Variants in PIK3R5 observed in about 807,000 individuals in gnomAD.
PIK3R5 encodes phosphoinositide-3-kinase regulatory subunit 5.
In PIK3R5, 32 loss-of-function variants were observed where a neutral mutation model predicts 94.9. The observed-to-expected ratio is 0.34, with a 90% CI of 0.25 to 0.45. The LOEUF is 0.45. PIK3R5 is among the 20% of genes least tolerant of loss of function. The pLI is 1.00. For missense variants in PIK3R5, 853 were observed against 1,144.6 expected (o/e 0.75, Z 3.68); for synonymous variants, 443 against 479.4 (o/e 0.92, Z 0.99).
At chr17:8,956,207 G>A (rs2151478846) in intron 1 of PIK3R5, among the ~76,000 whole-genome samples, 1 of 151,338 alleles carries the variant, frequency 6.6e-6, no homozygotes, top group African/African-American at 2.4e-5. Flanking sequence ...AGACTTTATG[G>A]AGACTTCAAA....
At position 8,945,185 on chromosome 17, in the gene PIK3R5, G is replaced by A. The variant is rs1430980919; in HGVS notation, c.-14+20411C>T. Reference sequence around the variant, plus strand: ...GAGGGGATCTACATCCTCCCCAGCTGCAGGAACACTCACTCCCTGGCAGGC... The same window carrying A: ...GAGGGGATCTACATCCTCCCCAGCTACAGGAACACTCACTCCCTGGCAGGC... On this transcript the variant is annotated intron_variant, in intron 1 of 18. Transcript: ENST00000447110. The surrounding 1 kb of genome is among the most constrained non-coding windows in gnomAD (Gnocchi z 4.0). Among the ~76,000 whole-genome samples the A allele has an allele frequency of 6.6e-6, 1 of 152,124 alleles. No individual in the cohort carries two copies. The highest frequency in any genetic ancestry group is 1.5e-5 in the Non-Finnish European group (1 of 68,006).
intron 1 of PIK3R5, among the ~76,000 whole-genome samples, chr17:8,944,210 T>C (rs754210913): frequency 5.3e-5 from 8 of 152,216 alleles, no homozygotes; most frequent in Non-Finnish European, 1.0e-4. Flanking sequence ...TGTTATCTAT[T>C]ATGCTGAGAA....
rs1266973535 is a variant in PIK3R5, at chr17:8,937,141, G to A, written c.-13-25634C>T. Among the ~76,000 whole-genome samples the A allele has an allele frequency of 3.3e-5, 5 of 152,178 alleles. No individual in the cohort carries two copies. In the East Asian group the frequency reaches 9.6e-4, roughly 29 times the overall value. ...ACTATAATTGCTTAGTTCCAGGAAT[G>A]TTGTTTTTTGTCATTGTTGATTCTT... On this transcript the variant is annotated intron_variant, in intron 1 of 18. Coordinates refer to ENST00000447110, the MANE Select transcript of PIK3R5 (RefSeq NM_001142633.3).
chr17:8,900,914 C>T (rs1457966644), intron 5 of PIK3R5, among the ~76,000 whole-genome samples: 3 of 152,158 alleles, frequency 2.0e-5, no homozygotes, highest in Non-Finnish European at 2.9e-5. Flanking sequence ...ATCCCCTCCC[C>T]CAACCCCACA....
At chr17:8,906,711 C>T in intron 3 of PIK3R5, among the ~76,000 whole-genome samples, 1 of 151,978 alleles carries the variant, frequency 6.6e-6, no homozygotes, top group East Asian at 1.9e-4. Flanking sequence ...GGCAAAACCC[C>T]ATCTGTACTA....
At chr17:8,950,638 T>C (rs1050139412) in intron 1 of PIK3R5, among the ~76,000 whole-genome samples, 4 of 152,234 alleles carry the variant, frequency 2.6e-5, no homozygotes, top group African/African-American at 9.6e-5. Context: ...CATTCTTTTT[T>C]ACGGCTGCAT....
chr17:8,879,368 C>T lies in PIK3R5; in HGVS notation c.*1271G>A, dbSNP rs1319195506. 6.6e-6 allele frequency: 1 copy of T among 152,290 alleles called. No individual in the cohort carries two copies. Among genetic ancestry groups the T allele is most frequent in the Non-Finnish European group, 1.5e-5 (1 of 68,080 alleles). 9.4% of individuals were successfully genotyped at this position (152,290 alleles called of 1,614,324 possible). The stretch of plus-strand genomic sequence containing the variant: ...TGAATTTCAGACTCTCGTGTCCTAT[C>T]CTAGGCTGACCATTTCCCATGCACC... On this transcript the variant is annotated 3_prime_UTR_variant, in exon 19 of 19. Transcript: ENST00000447110. The surrounding 1 kb of genome is among the most constrained non-coding windows in gnomAD (Gnocchi z 4.4).
intron 1 of PIK3R5, among the ~76,000 whole-genome samples, chr17:8,940,596 C>G (rs1005126959): frequency 1.3e-5 from 2 of 152,168 alleles, no homozygotes; most frequent in African/African-American, 4.8e-5. Flanking sequence ...AAGTTTTGCT[C>G]TTGTTGCCCA....
At chr17:8,924,594 C>T (rs750867961) in intron 1 of PIK3R5, among the ~76,000 whole-genome samples, 7 of 152,048 alleles carry the variant, frequency 4.6e-5, no homozygotes, top group Non-Finnish European at 1.0e-4. Context: ...AACCATTTAC[C>T]ACCCCGTCTT....
At chr17:8,947,261 G>A (rs1025350355) in intron 1 of PIK3R5, among the ~76,000 whole-genome samples, 3 of 152,090 alleles carry the variant, frequency 2.0e-5, no homozygotes, top group East Asian at 1.9e-4. Flanking sequence ...CCTGCTCCTC[G>A]GTCATCTCAT....
In PIK3R5 at chr17:8,880,594, G is replaced by A; in HGVS notation, c.*45C>T. On this transcript the variant is annotated 3_prime_UTR_variant, in exon 19 of 19. Coordinates refer to ENST00000447110, the MANE Select transcript of PIK3R5 (RefSeq NM_001142633.3). ...GGGACTGTCCTGGAGGGGTGGCCGA[G>A]GAGGTTGCCCCAGGGCTTCTGTCCA... 1 of 1,542,452 alleles carries A rather than the reference G, an allele frequency of 6.5e-7. No homozygotes were observed. The highest frequency in any genetic ancestry group is 8.7e-7 in the Non-Finnish European group (1 of 1,144,740).
intron 1 of PIK3R5, among the ~76,000 whole-genome samples, chr17:8,963,069 C>T (rs918611610): frequency 6.6e-6 from 1 of 152,192 alleles, no homozygotes; most frequent in Non-Finnish European, 1.5e-5. Flanking sequence ...CTCACTGCAG[C>T]CTCGAACTCC....
At position 8,881,631 on chromosome 17, in the gene PIK3R5, T is replaced by C; in HGVS notation, c.2381A>G (p.Gln794Arg). ...CTGGAAGGAGAGGGAAGCCCGTACC[T>C]GGTTAAAGCCCTTCTTGGATTTGGA... ...QNSKSKKGFNQISTSQIKVDK... is the reference protein window; with the variant it reads ...QNSKSKKGFNRISTSQIKVDK... Residue 794 changes from glutamine (Q) to arginine (R), a missense_variant and splice_region_variant, in exon 17 of 19, where the codon CAG (glutamine) becomes CGG (arginine). Physicochemically the swap from Gln to Arg is conservative, Grantham distance 43. Coordinates refer to ENST00000447110, the MANE Select transcript of PIK3R5 (RefSeq NM_001142633.3). This position sits in a 1 kb window ranked among gnomAD's most constrained non-coding sequence, Gnocchi z 4.8. 1 of 1,611,452 alleles carries C rather than the reference T, an allele frequency of 6.2e-7. No homozygotes were observed. The highest frequency in any genetic ancestry group is 8.5e-7 in the Non-Finnish European group (1 of 1,178,478).
At chr17:8,947,568 G>A (rs2091296792) in intron 1 of PIK3R5, among the ~76,000 whole-genome samples, 1 of 152,062 alleles carries the variant, frequency 6.6e-6, no homozygotes, top group Admixed American at 6.6e-5. Context: ...GGCTTAACAG[G>A]GAAAGAAAAT....
At chr17:8,959,741 G>A (rs752527892) in intron 1 of PIK3R5, among the ~76,000 whole-genome samples, 1 of 152,204 alleles carries the variant, frequency 6.6e-6, no homozygotes, top group South Asian at 2.1e-4. Flanking sequence ...TCATGGTTCT[G>A]GGGAGAAAGC....
intron 4 of PIK3R5, 60 bp downstream of exon 4, chr17:8,905,609 A>G: frequency 7.8e-7 from 1 of 1,279,402 alleles, no homozygotes; most frequent in Non-Finnish European, 1.1e-6. Context: ...TCTGCCCCAG[A>G]TAGAGGTCGC....
intron 12 of PIK3R5, 59 bp from the exon 13 acceptor site, chr17:8,886,664 G>T (rs1463865967): frequency 6.6e-7 from 1 of 1,519,484 alleles, no homozygotes; most frequent in African/African-American, 1.4e-5. Flanking sequence ...ATGGTAAGAA[G>T]GAGCAAGAAT....
At chr17:8,929,834 G>C (rs1466238633) in intron 1 of PIK3R5, among the ~76,000 whole-genome samples, 1 of 152,032 alleles carries the variant, frequency 6.6e-6, no homozygotes, top group Admixed American at 6.5e-5. Context: ...AAGGGGGTGA[G>C]GGATGAAAAA....
intron 5 of PIK3R5, among the ~76,000 whole-genome samples, chr17:8,900,618 G>A (rs2090258114): frequency 6.6e-6 from 1 of 152,176 alleles, no homozygotes; most frequent in Non-Finnish European, 1.5e-5. Flanking sequence ...AGCAGTGAGT[G>A]ATGGTTCCAA....
Sources: allele counts gnomAD v4.1 joint callset (sites outside exome capture counted in the v4.1 genomes callset), GRCh38; gene constraint gnomAD v4.1.1; non-coding constraint Gnocchi (gnomAD v3.1); transcripts MANE v1.5; gene names NCBI Gene and HGNC (gene_info 2026-07-23, HGNC 2026-07-21).